Variants in BRPF1 observed in about 807,000 individuals in gnomAD.
BRPF1 encodes the protein peregrin.
In BRPF1, 15 loss-of-function variants were observed where a neutral mutation model predicts 115.0. The observed-to-expected ratio is 0.13, with a 90% CI of 0.09 to 0.20. BRPF1 has a LOEUF of 0.20. Among genes scored for constraint, BRPF1 ranks in the 10% least tolerant of loss-of-function variants. BRPF1 has a pLI of 1.00. For synonymous variants in BRPF1, 647 were observed against 619.8 expected (o/e 1.04, Z -0.65); for missense variants, 1,118 against 1,638.3 (o/e 0.68, Z 5.48).
At position 9,743,216 on chromosome 3, in the gene BRPF1, C is replaced by T; in HGVS notation, c.2274C>T (p.Ser758=). 2 of 1,614,138 alleles carry T rather than the reference C, an allele frequency of 1.2e-6. No homozygotes were observed. The highest frequency in any genetic ancestry group is 1.7e-6 in the Non-Finnish European group (2 of 1,179,990). ...AGACGGGCATGCATATCCCCCACAGCCTGGCTGGAGATGAGGCCACACACC... is the reference window on the plus strand; with the variant it reads ...AGACGGGCATGCATATCCCCCACAGTCTGGCTGGAGATGAGGCCACACACC... The part of the protein sequence containing the change: ...DFETGMHIPH[S]LAGDEATHHT... Residue 758 remains serine, a synonymous_variant, in exon 7 of 14, where the codon AGC becomes AGT. Coordinates refer to ENST00000383829, the MANE Select transcript of BRPF1 (RefSeq NM_001003694.2). The surrounding 1 kb of genome is among the most constrained non-coding windows in gnomAD (Gnocchi z 6.1).
intron 9 of BRPF1, 32 bp downstream of exon 9, chr3:9,744,540 G>A: frequency 6.9e-7 from 1 of 1,459,450 alleles, no homozygotes; most frequent in South Asian, 1.4e-5. Flanking sequence ...CCCCCCAAGA[G>A]AGTGAGCAAA....
At position 9,738,995 on chromosome 3, in the gene BRPF1, G is replaced by T; in HGVS notation, c.600-4G>T. ...TGATGCTGAGTTCCCTGTTTGTACCGTAGGTACATCGAGAAGTCTGCAGAG... is the reference window on the plus strand; with the variant it reads ...TGATGCTGAGTTCCCTGTTTGTACCTTAGGTACATCGAGAAGTCTGCAGAG... On this transcript the variant is annotated splice_region_variant and splice_polypyrimidine_tract_variant and intron_variant, in intron 2 of 13. Transcript: ENST00000383829. The T allele has an allele frequency of 6.4e-7, 1 of 1,552,110 alleles. No homozygotes were observed. The highest frequency in any genetic ancestry group is 8.7e-7 in the Non-Finnish European group (1 of 1,147,846).
intron 9 of BRPF1, among the ~76,000 whole-genome samples, chr3:9,744,740 T>A (rs1175332088): frequency 6.6e-6 from 1 of 152,192 alleles, no homozygotes; most frequent in Non-Finnish European, 1.5e-5. Context: ...TCACTTTACC[T>A]TTTCTCTTCT....
In BRPF1 at chr3:9,745,554, C is replaced by T. The variant is rs921897494; in HGVS notation, c.3069-19C>T. 4 of 1,613,016 alleles carry T rather than the reference C, an allele frequency of 2.5e-6. No homozygotes were observed. The highest frequency in any genetic ancestry group is 3.4e-6 in the Non-Finnish European group (4 of 1,179,010). ...TTCTTCCCCTCCTTTGAGCTGAGCT[C>T]CCATTGTCTTGTCCACAGCACAACG... On this transcript the variant is annotated intron_variant, in intron 10 of 13. Transcript: ENST00000383829. The surrounding 1 kb of genome is among the most constrained non-coding windows in gnomAD (Gnocchi z 5.1).
At position 9,745,748 on chromosome 3, in the gene BRPF1, C is replaced by T. The variant is rs753638937; in HGVS notation, c.3205+39C>T. The T allele has an allele frequency of 5.0e-6, 8 of 1,611,634 alleles. No homozygotes were observed. Among genetic ancestry groups the T allele is most frequent in the Non-Finnish European group, 6.8e-6 (8 of 1,177,982 alleles). Reference sequence around the variant, plus strand: ...CCCAAGGCCAGGGATGCTGGGGACCCAGTGTCAGGGTCTCGCCAGCCCCCC... The same window carrying T: ...CCCAAGGCCAGGGATGCTGGGGACCTAGTGTCAGGGTCTCGCCAGCCCCCC... On this transcript the variant is annotated intron_variant, in intron 11 of 13. Coordinates refer to ENST00000383829, the MANE Select transcript of BRPF1 (RefSeq NM_001003694.2). This position sits in a 1 kb window ranked among gnomAD's most constrained non-coding sequence, Gnocchi z 5.1.
intron 4 of BRPF1, 50 bp from the exon 5 acceptor site, chr3:9,741,258 C>CT: frequency 6.6e-7 from 1 of 1,525,312 alleles, no homozygotes; most frequent in Non-Finnish European, 8.8e-7. Context: ...CCCTGTTGAC[C>CT]TTTCCTCTGG....
chr3:9,746,563 G>A (rs926908684), intron 13 of BRPF1, 109 bp downstream of exon 13: 1 of 1,317,552 alleles, frequency 7.6e-7, no homozygotes, highest in Non-Finnish European at 1.0e-6. Flanking sequence ...GCTATCACAA[G>A]TCAGTGGGGG....
intron 1 of BRPF1, among the ~76,000 whole-genome samples, chr3:9,733,784 C>G (rs1013196031): frequency 1.3e-5 from 2 of 152,206 alleles, no homozygotes; most frequent in African/African-American, 4.8e-5. Flanking sequence ...CTTTGAATGG[C>G]ATCATAGAGA....
In BRPF1 at chr3:9,747,553, G is replaced by C. The variant is rs554651086; in HGVS notation, c.*204G>C. ...CTCCAAGGGCCAATGGCAGTTCAGC[G>C]CAAGGAGAGGGAGGGCCCACAGGTC... On this transcript the variant is annotated 3_prime_UTR_variant, in exon 14 of 14. Transcript: ENST00000383829. This position sits in a 1 kb window ranked among gnomAD's most constrained non-coding sequence, Gnocchi z 5.6. The C allele has an allele frequency of 1.9e-6, 1 of 521,242 alleles. No homozygotes were observed. Among genetic ancestry groups the C allele is most frequent in the African/African-American group, 1.9e-5 (1 of 53,310 alleles). 32.3% of individuals were successfully genotyped at this position (521,242 alleles called of 1,614,324 possible). A position where few individuals can be genotyped will look rare whatever the true frequency, so the allele number is the denominator to read the frequency against.
intron 8 of BRPF1, 98 bp from the exon 9 acceptor site, chr3:9,744,126 G>A (rs1328398876): frequency 4.3e-6 from 6 of 1,397,162 alleles, no homozygotes; most frequent in Non-Finnish European, 5.8e-6. Context: ...AACGTTAGCT[G>A]GAGTAATGGT....
chr3:9,734,518 C>A lies in BRPF1; in HGVS notation c.378C>A (p.Pro126=). The change falls in exon 2 of 14, where the codon CCC becomes CCA. Residue 126 remains proline, a synonymous_variant. Coordinates refer to ENST00000383829, the MANE Select transcript of BRPF1 (RefSeq NM_001003694.2). This position sits in a 1 kb window ranked among gnomAD's most constrained non-coding sequence, Gnocchi z 5.7. ...TGGTGTCAGAGGATGAGGAAGCCCC[C>A]GAGGAGGCCCCTGAGAATGGCAGCA... ...LDVVSEDEEA[P]EEAPENGSNK... The A allele has an allele frequency of 6.2e-7, 1 of 1,614,054 alleles. No homozygotes were observed. Among genetic ancestry groups the A allele is most frequent in the Admixed American group, 1.7e-5 (1 of 60,006 alleles).
intron 12 of BRPF1, 68 bp from the exon 13 acceptor site, chr3:9,746,232 G>A: frequency 2.0e-6 from 3 of 1,482,596 alleles, no homozygotes; most frequent in Non-Finnish European, 2.7e-6. Context: ...TACTCTCTAA[G>A]TTCTTGAGGA....
Position 9,734,316 on chromosome 3 carries a change from G to T in BRPF1, c.176G>T (p.Arg59Leu), listed in dbSNP as rs758206363. ...NPPPPQQTPL[R>L]KHKKKGRQSR... ...CCACCCCCACAACAAACTCCACTCCGCAAGCACAAGAAAAAGGGGCGCCAG... is the reference window on the plus strand; with the variant it reads ...CCACCCCCACAACAAACTCCACTCCTCAAGCACAAGAAAAAGGGGCGCCAG... The change falls in exon 2 of 14, where the codon CGC becomes CTC. Residue 59 changes from arginine (R) to leucine (L), a missense_variant. Arg to Leu is a moderately radical substitution (Grantham distance 102, BLOSUM62 -2). Transcript: ENST00000383829. The surrounding 1 kb of genome is among the most constrained non-coding windows in gnomAD (Gnocchi z 5.7). 1 of 1,614,026 alleles carries T rather than the reference G, an allele frequency of 6.2e-7. No homozygotes were observed. Among genetic ancestry groups the T allele is most frequent in the South Asian group, 1.1e-5 (1 of 91,078 alleles).
chr3:9,745,993 G>C lies in BRPF1; in HGVS notation c.3324+63G>C. ...CCAGAATACAGATTCACAGTTAGCA[G>C]ACTTTTCCTACTCCCTGCTGAGCTG... On this transcript the variant is annotated intron_variant, in intron 12 of 13. Transcript: ENST00000383829. This position sits in a 1 kb window ranked among gnomAD's most constrained non-coding sequence, Gnocchi z 5.1. 1 of 1,536,886 alleles carries C rather than the reference G, an allele frequency of 6.5e-7. No individual in the cohort carries two copies. The highest frequency in any genetic ancestry group is 1.2e-5 in the South Asian group (1 of 82,232).
At chr3:9,732,830 T>G (rs1316886490) in intron 1 of BRPF1, 1 of 152,206 alleles carries the variant, frequency 6.6e-6, no homozygotes, top group Non-Finnish European at 1.5e-5. Flanking sequence ...GTCAGGGAGC[T>G]CATGATAGCC....
intron 13 of BRPF1, among the ~76,000 whole-genome samples, 191 bp from the exon 14 acceptor site, chr3:9,746,975 C>G (rs970757210): frequency 3.9e-5 from 6 of 152,152 alleles, no homozygotes; most frequent in Non-Finnish European, 8.8e-5. Flanking sequence ...TACCCTCCCG[C>G]CGCCACCACA....
rs938746219 is a variant in BRPF1, at chr3:9,743,107, G to A, written c.2165G>A (p.Arg722Gln). ...AACGCCAAGGACACCATCTTCTACC[G>A]GGCAGCAGTGCGGCTTCGTGAGCAG... The part of the protein sequence containing the change: ...KYNAKDTIFY[R>Q]AAVRLREQGG... Residue 722 changes from arginine (R) to glutamine (Q), a missense_variant, in exon 7 of 14, where the codon CGG becomes CAG. Arg to Gln is a conservative substitution (Grantham distance 43). This residue lies in a region of BRPF1 where 223 missense variants were observed against 240.7 expected (regional missense o/e 0.93). Transcript: ENST00000383829. The surrounding 1 kb of genome is among the most constrained non-coding windows in gnomAD (Gnocchi z 6.1). The A allele has an allele frequency of 1.3e-5, 21 of 1,614,116 alleles. No homozygotes were observed. Among genetic ancestry groups the A allele is most frequent in the East Asian group, 2.2e-5 (1 of 44,908 alleles).
intron 1 of BRPF1, chr3:9,732,833 T>A (rs1559652746): frequency 6.6e-6 from 1 of 152,274 alleles, no homozygotes; most frequent in Non-Finnish European, 1.5e-5. Context: ...AGGGAGCTCA[T>A]GATAGCCCTG....
Position 9,745,490 on chromosome 3 carries a change from G to A in BRPF1, c.3069-83G>A. On this transcript the variant is annotated intron_variant, in intron 10 of 13. Transcript: ENST00000383829. The surrounding 1 kb of genome is among the most constrained non-coding windows in gnomAD (Gnocchi z 5.1). ...CTTTCCAAAAGTCTCAGACCCTGCG[G>A]GCTTTAAGAGCTGAGGGCACATACC... The A allele has an allele frequency of 4.0e-6, 6 of 1,484,054 alleles. No individual in the cohort carries two copies. In the South Asian group the frequency reaches 7.0e-5, roughly 17 times the overall value. The allele number at this position is 1,484,054 out of a possible 1,614,324, so 91.9% of individuals were successfully genotyped here.
Sources: gnomAD v4.1 joint callset for allele counts (sites outside exome capture counted in the v4.1 genomes callset) on GRCh38, gnomAD v4.1.1 for gene constraint, gnomAD v4.1.1 regional missense constraint, Gnocchi (gnomAD v3.1) non-coding constraint, MANE v1.5 for transcripts, NCBI Gene and HGNC (gene_info 2026-07-23, HGNC 2026-07-21) for gene names.